Variants in TNFRSF1A observed in about 807,000 individuals in gnomAD.
The protein encoded by TNFRSF1A is tumor necrosis factor receptor superfamily member 1A.
In TNFRSF1A, 9 loss-of-function variants were observed where a neutral mutation model predicts 41.6. The observed-to-expected ratio is 0.22, with a 90% CI of 0.13 to 0.38. The LOEUF is 0.38. Ranked by LOEUF, TNFRSF1A falls within the 10% of genes least tolerant of loss-of-function variation. The pLI, the probability that TNFRSF1A is intolerant of heterozygous loss-of-function variation, is 1.00. For missense variants in TNFRSF1A, 463 were observed against 591.5 expected (o/e 0.78, Z 2.25); for synonymous variants, 254 against 248.6 (o/e 1.02, Z -0.21).
chr12:6,329,448 G>C lies in TNFRSF1A; in HGVS notation c.1232C>G (p.Thr411Arg). Reference sequence around the variant, plus strand: ...CTCCAGCGTGGCCTCGCGCCGCGGCGTGCGCCGCCTCCAGGTCGCCAGCAT... The same window carrying C: ...CTCCAGCGTGGCCTCGCGCCGCGGCCTGCGCCGCCTCCAGGTCGCCAGCAT... ...YSMLATWRRR[T>R]PRREATLELL... Residue 411 changes from threonine to arginine, a missense_variant, in exon 10 of 10, where the codon ACG becomes AGG. Transcript: ENST00000162749. The C allele has an allele frequency of 1.3e-6, 2 of 1,587,564 alleles. No individual in the cohort carries two copies. Among genetic ancestry groups the C allele is most frequent in the Non-Finnish European group, 1.7e-6 (2 of 1,173,882 alleles).
chr12:6,338,605 G>A (rs1948149131), intron 1 of TNFRSF1A, among the ~76,000 whole-genome samples: 2 of 149,752 alleles, frequency 1.3e-5, no homozygotes, highest in African/African-American at 4.9e-5. Context: ...TTTGAAACAG[G>A]GTCTCACTCT....
intron 1 of TNFRSF1A, among the ~76,000 whole-genome samples, chr12:6,338,309 AT>A (rs1253778213): frequency 2.6e-5 from 4 of 151,912 alleles, no homozygotes; most frequent in African/African-American, 9.7e-5. Flanking sequence ...CCCTGCCGCC[AT>A]CCCATGTGTC....
chr12:6,341,808 G>C lies in TNFRSF1A; in HGVS notation c.7C>G (p.Leu3Val). The change falls in exon 1 of 10, where the codon CTC becomes GTC. Residue 3 changes from leucine to valine, a missense_variant. By Grantham distance (32) the Leu-to-Val change is conservative (BLOSUM62 1). Transcript: ENST00000162749. This position sits in a 1 kb window ranked among gnomAD's most constrained non-coding sequence, Gnocchi z 4.6. ...AGCAGCAGGTCAGGCACGGTGGAGA[G>C]GCCCATGCCAGACAGCTATGGCCTC... MG[L>V]STVPDLLLPL... is the part of the protein sequence containing the mutation. The C allele has an allele frequency of 1.2e-6, 2 of 1,614,176 alleles. No homozygotes were observed. Among genetic ancestry groups the C allele is most frequent in the East Asian group, 2.2e-5 (1 of 44,886 alleles).
intron 1 of TNFRSF1A, among the ~76,000 whole-genome samples, chr12:6,335,952 C>T (rs145983887): frequency 2.6e-5 from 4 of 152,316 alleles, no homozygotes; most frequent in Non-Finnish European, 5.9e-5. Flanking sequence ...TTCCCCTGCC[C>T]GCACCAGCCA....
Position 6,334,207 on chromosome 12 carries a change from C to G in TNFRSF1A, c.77G>C (p.Gly26Ala), listed in dbSNP as rs1259443563. ...TAGGTGAGGGACCAGTCCAATAACC[C>G]CTGAGGGGTATATTCCCACCAACAG... is the stretch of plus-strand genomic sequence containing the variant. Reference protein sequence around the residue: ...LELLVGIYPSGVIGLVPHLGD... With the variant: ...LELLVGIYPSAVIGLVPHLGD... Residue 26 changes from glycine (G) to alanine (A), a missense_variant, in exon 2 of 10, where the codon GGG becomes GCG. Gly to Ala is a moderately conservative substitution (Grantham distance 60). Transcript: ENST00000162749. The surrounding 1 kb of genome is among the most constrained non-coding windows in gnomAD (Gnocchi z 5.1). 1 of 1,614,068 alleles carries G rather than the reference C, an allele frequency of 6.2e-7. No homozygotes were observed. Among genetic ancestry groups the G allele is most frequent in the East Asian group, 2.2e-5 (1 of 44,878 alleles).
chr12:6,328,949 A>G lies in TNFRSF1A; in HGVS notation c.*363T>C. The stretch of plus-strand genomic sequence containing the variant: ...ATGATTGATTTAAAAACAAAACAAA[A>G]CAAAACAAAAACAAAAAAAACTGCT... On this transcript the variant is annotated 3_prime_UTR_variant, in exon 10 of 10. Transcript: ENST00000162749. 1 of 275,140 alleles carries G rather than the reference A, an allele frequency of 3.6e-6. No homozygotes were observed. The highest frequency in any genetic ancestry group is 6.8e-6 in the Non-Finnish European group (1 of 147,706). The allele number at this position is 275,140 out of a possible 1,614,324, so 17.0% of individuals were successfully genotyped here. A position where few individuals can be genotyped will look rare whatever the true frequency, so the allele number is the denominator to read the frequency against.
rs1948085978 is a variant in TNFRSF1A at position 6,333,934 on chromosome 12, C to T, written c.194-69G>A. The T allele has an allele frequency of 6.2e-7, 1 of 1,603,610 alleles. No individual in the cohort carries two copies. The highest frequency in any genetic ancestry group is 8.5e-7 in the Non-Finnish European group (1 of 1,174,530). ...GGAAGGAGCCCCATGCTAGGGACAA[C>T]AGCCAGGGCCGATTCCCTGAAGTCT... On this transcript the variant is annotated intron_variant, in intron 2 of 9. Transcript: ENST00000162749. The surrounding 1 kb of genome is among the most constrained non-coding windows in gnomAD (Gnocchi z 6.3).
chr12:6,329,015 C>T lies in TNFRSF1A; in HGVS notation c.*297G>A, dbSNP rs202094667. On this transcript the variant is annotated 3_prime_UTR_variant, in exon 10 of 10. Coordinates refer to ENST00000162749, the MANE Select transcript of TNFRSF1A (RefSeq NM_001065.4). ...AGGCTCAGGGACGAACCAGGGGCCC[C>T]CGAGCAGCCTTGCTGGTGAGGACAC... 2.1e-4 allele frequency: 80 copies of T among 386,062 alleles called. 1 individual carries two copies. The highest frequency in any genetic ancestry group is 6.4e-4 in the Middle Eastern group (1 of 1,554). The allele number at this position is 386,062 out of a possible 1,614,324, so 23.9% of individuals were successfully genotyped here. A position where few individuals can be genotyped will look rare whatever the true frequency, so the allele number is the denominator to read the frequency against.
chr12:6,339,841 TCACACACACACACACACA>T (rs57599695), intron 1 of TNFRSF1A, among the ~76,000 whole-genome samples: 11 of 113,650 alleles, frequency 9.7e-5, no homozygotes, highest in Non-Finnish European at 2.0e-4. Context: ...TCTCTCTCTC[TCACACACACACACACACA>T]CACACACACA....
In TNFRSF1A at chr12:6,333,030, G is replaced by A. The variant is rs755877576; in HGVS notation, c.551+39C>T. The A allele has an allele frequency of 1.1e-5, 17 of 1,587,400 alleles. No homozygotes were observed. Among genetic ancestry groups the A allele is most frequent in the Non-Finnish European group, 1.5e-5 (17 of 1,156,518 alleles). ...CCACCAGTCACCCGTCCCAACCCAT[G>A]CCACCATCCAGTGCCCAGCAGCTCT... is the stretch of plus-strand genomic sequence containing the variant. On this transcript the variant is annotated intron_variant, in intron 5 of 9. Transcript: ENST00000162749. The surrounding 1 kb of genome is among the most constrained non-coding windows in gnomAD (Gnocchi z 6.3).
intron 1 of TNFRSF1A, among the ~76,000 whole-genome samples, chr12:6,338,933 A>C (rs1361276577): frequency 6.6e-6 from 1 of 152,128 alleles, no homozygotes; most frequent in Non-Finnish European, 1.5e-5. Context: ...CCCATCTGAG[A>C]TGCCTCACCT....
chr12:6,334,010 T>C lies in TNFRSF1A; in HGVS notation c.193+81A>G. 1 of 1,611,736 alleles carries C rather than the reference T, an allele frequency of 6.2e-7. No homozygotes were observed. Among genetic ancestry groups the C allele is most frequent in the Non-Finnish European group, 8.5e-7 (1 of 1,177,942 alleles). On this transcript the variant is annotated intron_variant, in intron 2 of 9. Coordinates refer to ENST00000162749, the MANE Select transcript of TNFRSF1A (RefSeq NM_001065.4). This position sits in a 1 kb window ranked among gnomAD's most constrained non-coding sequence, Gnocchi z 5.1. ...CCCAGCCCAGGAGAGACAGCAAAGT[T>C]AGGGAAGAACAACTGGAAGAAGCAG...
chr12:6,330,559 C>T (rs1948036663), intron 7 of TNFRSF1A, 39 bp downstream of exon 7: 1 of 1,494,790 alleles, frequency 6.7e-7, no homozygotes. Flanking sequence ...CCTCCCTCAC[C>T]CCCACCAGCT....
chr12:6,333,046 C>A lies in TNFRSF1A; in HGVS notation c.551+23G>T, dbSNP rs1948070363. On this transcript the variant is annotated intron_variant, in intron 5 of 9. Coordinates refer to ENST00000162749, the MANE Select transcript of TNFRSF1A (RefSeq NM_001065.4). This position sits in a 1 kb window ranked among gnomAD's most constrained non-coding sequence, Gnocchi z 6.3. ...CCAACCCATGCCACCATCCAGTGCC[C>A]AGCAGCTCTCAGAGATACTCACTTA... 4 of 1,610,050 alleles carry A rather than the reference C, an allele frequency of 2.5e-6. No individual in the cohort carries two copies. The East Asian group carries it at 8.9e-5, about 36-fold the overall frequency.
intron 1 of TNFRSF1A, among the ~76,000 whole-genome samples, chr12:6,336,229 TGGAG>T (rs891465051): frequency 6.6e-6 from 1 of 152,032 alleles, no homozygotes; most frequent in Non-Finnish European, 1.5e-5. Flanking sequence ...TGAGCCTCCC[TGGAG>T]GGAGGGAGGG....
Position 6,333,406 on chromosome 12 carries a change from T to C in TNFRSF1A, c.433A>G (p.Asn145Asp), listed in dbSNP as rs1364429544. 2 of 1,613,872 alleles carry C rather than the reference T, an allele frequency of 1.2e-6. No individual in the cohort carries two copies. Among genetic ancestry groups the C allele is most frequent in the Admixed American group, 3.3e-5 (2 of 59,964 alleles). The change falls in exon 4 of 10, where the codon AAT (asparagine) becomes GAT (aspartate). Residue 145 changes from asparagine (N) to aspartate (D), a missense_variant. By Grantham distance (23) the Asn-to-Asp change is conservative. This residue lies in a region of TNFRSF1A where 149 missense variants were observed against 239.4 expected (regional missense o/e 0.62). Transcript: ENST00000162749. The surrounding 1 kb of genome is among the most constrained non-coding windows in gnomAD (Gnocchi z 6.3). ...GTCCCATTGAGGCAGAGGCTGCAAT[T>C]GAAGCACTGGAAAAGGTTTTCACTC... The part of the protein sequence containing the change: ...YWSENLFQCF[N>D]CSLCLNGTVH...
At chr12:6,330,228 T>A in intron 8 of TNFRSF1A, 39 bp downstream of exon 8, 1 of 1,614,070 alleles carries the variant, frequency 6.2e-7, no homozygotes, top group Non-Finnish European at 8.5e-7. Flanking sequence ...TAAGGAATGG[T>A]CAGGGACATT....
At chr12:6,332,310 G>A (rs1245962480) in intron 5 of TNFRSF1A, among the ~76,000 whole-genome samples, 1 of 151,822 alleles carries the variant, frequency 6.6e-6, no homozygotes, top group Non-Finnish European at 1.5e-5. Flanking sequence ...GTAGTGGTGT[G>A]TGCCTCTAAT....
rs1264477131 is a variant in TNFRSF1A at position 6,333,917 on chromosome 12, C to T, written c.194-52G>A. The stretch of plus-strand genomic sequence containing the variant: ...TGCGGGTGAGAACACAAGGAAGGAG[C>T]CCCATGCTAGGGACAACAGCCAGGG... On this transcript the variant is annotated intron_variant, in intron 2 of 9. Transcript: ENST00000162749. This position sits in a 1 kb window ranked among gnomAD's most constrained non-coding sequence, Gnocchi z 6.3. 8.7e-6 allele frequency: 14 copies of T among 1,601,682 alleles called. No individual in the cohort carries two copies. The highest frequency in any genetic ancestry group is 1.2e-5 in the Non-Finnish European group (14 of 1,173,568).
Sources: gnomAD v4.1 joint callset for allele counts (sites outside exome capture counted in the v4.1 genomes callset) on GRCh38, gnomAD v4.1.1 for gene constraint, gnomAD v4.1.1 regional missense constraint, Gnocchi (gnomAD v3.1) non-coding constraint, MANE v1.5 for transcripts, NCBI Gene and HGNC (gene_info 2026-07-23, HGNC 2026-07-21) for gene names.